The following MED12L variants were observed in gnomAD, a reference collection of about 807,000 sequenced individuals.
MED12L encodes mediator complex subunit 12L, also known as mediator of RNA polymerase II transcription subunit 12-like protein.
A neutral mutation model predicts 281.3 loss-of-function variants in MED12L; 60 were observed. The ratio of observed to expected loss-of-function variants is 0.21; its 90% CI spans 0.17 to 0.26. MED12L has a LOEUF of 0.26. MED12L is among the 10% of genes least tolerant of loss of function. MED12L has a pLI of 1.00. For missense variants in MED12L, 2,146 were observed against 2,680.9 expected (o/e 0.80, Z 4.41); for synonymous variants, 974 against 987.2 (o/e 0.99, Z 0.25).
At chr3:151,311,358 G>A (rs1374146842) in intron 16 of MED12L, among the ~76,000 whole-genome samples, 1 of 151,668 alleles carries the variant, frequency 6.6e-6, no homozygotes, top group Non-Finnish European at 1.5e-5. Context: ...TAGTGTTGTT[G>A]TTTACATTAT....
intron 11 of MED12L, among the ~76,000 whole-genome samples, chr3:151,168,130 G>T (rs1471169442): frequency 1.3e-5 from 2 of 152,188 alleles, no homozygotes; most frequent in Non-Finnish European, 2.9e-5. Flanking sequence ...TTCAAGGGCA[G>T]AAATTATGTT....
chr3:151,270,666 A>G (rs978158592), intron 16 of MED12L, among the ~76,000 whole-genome samples: 1 of 152,178 alleles, frequency 6.6e-6, no homozygotes, highest in Non-Finnish European at 1.5e-5. Flanking sequence ...AAGGTCAGCA[A>G]AGGGTGAGTT....
At chr3:151,431,258 AG>A (rs1336296499) in intron 44 of MED12L, among the ~76,000 whole-genome samples, 1 of 152,210 alleles carries the variant, frequency 6.6e-6, no homozygotes, top group Non-Finnish European at 1.5e-5. Context: ...GTGAGGTACC[AG>A]AGGGAAGACT....
In MED12L at chr3:151,394,938, T is replaced by A. The variant is rs1321606078; in HGVS notation, c.5820+71T>A. On this transcript the variant is annotated intron_variant, in intron 39 of 44. Transcript: ENST00000687756. ...CTGCTAGCTTGGGATAAGTTTGGGA[T>A]ATGTAGCATATTCTTTCTGTATGCA... 2.5e-6 allele frequency: 4 copies of A among 1,593,142 alleles called. No homozygotes were observed. In the South Asian group the frequency reaches 4.5e-5, roughly 18 times the overall value.
rs889691150 is a variant in MED12L at position 151,185,603 on chromosome 3, G to T, written c.1626+142G>T. 5 of 812,994 alleles carry T rather than the reference G, an allele frequency of 6.2e-6. No homozygotes were observed. The African/African-American group carries it at 7.0e-5, about 11-fold the overall frequency. The allele number at this position is 812,994 out of a possible 1,614,324, so 50.4% of individuals were successfully genotyped here. ...AGGATGTAAAAATTCACATAAGGAA[G>T]ATTCTTATAGTAGAATCTCTCTAAA... On this transcript the variant is annotated intron_variant, in intron 12 of 44. Transcript: ENST00000687756.
intron 44 of MED12L, among the ~76,000 whole-genome samples, chr3:151,431,482 T>C (rs1227110109): frequency 2.0e-5 from 3 of 152,306 alleles, no homozygotes; most frequent in African/African-American, 7.2e-5. Context: ...TTTAAAAATA[T>C]TTTCCTCTTA....
intron 11 of MED12L, among the ~76,000 whole-genome samples, chr3:151,171,815 G>A (rs1560117925): frequency 1.3e-5 from 2 of 152,190 alleles, no homozygotes; most frequent in Non-Finnish European, 2.9e-5. Context: ...ACAAAAGCTC[G>A]CTTTCTGTCA....
chr3:151,387,715 C>A, intron 36 of MED12L, 95 bp from the exon 37 acceptor site: 1 of 1,460,188 alleles, frequency 6.8e-7, no homozygotes, highest in Non-Finnish European at 9.2e-7. Context: ...CTCATGCCAG[C>A]CAAAGTGTTC....
chr3:151,334,506 T>G (rs1323808689), intron 16 of MED12L, among the ~76,000 whole-genome samples: 3 of 151,974 alleles, frequency 2.0e-5, no homozygotes, highest in Non-Finnish European at 4.4e-5. Flanking sequence ...TTTTAATTTT[T>G]ATTTGTTTAT....
intron 16 of MED12L, among the ~76,000 whole-genome samples, chr3:151,257,411 T>C (rs539383643): frequency 9.9e-5 from 15 of 152,258 alleles, no homozygotes; most frequent in East Asian, 3.8e-4. Context: ...GTCTCCAGAA[T>C]AGATTGCCTT....
chr3:151,099,527 A>C (rs1024551951), intron 2 of MED12L, among the ~76,000 whole-genome samples: 1 of 152,206 alleles, frequency 6.6e-6, no homozygotes, highest in Non-Finnish European at 1.5e-5. Context: ...ATTTTTGCAT[A>C]TCTCTTTAAT....
chr3:151,346,303 C>T (rs1462727218), intron 16 of MED12L, among the ~76,000 whole-genome samples: 2 of 152,116 alleles, frequency 1.3e-5, no homozygotes, highest in Non-Finnish European at 2.9e-5. Context: ...TTGATTTCTA[C>T]TATGGAAATT....
At chr3:151,390,654 A>T (rs978303994) in intron 38 of MED12L, among the ~76,000 whole-genome samples, 1 of 152,242 alleles carries the variant, frequency 6.6e-6, no homozygotes. Context: ...AAATGAAAAC[A>T]TCTCTTAATG....
intron 16 of MED12L, chr3:151,213,800 T>C: frequency 6.2e-7 from 1 of 1,614,242 alleles, no homozygotes; most frequent in Non-Finnish European, 8.5e-7. Flanking sequence ...TTCAGTTCTA[T>C]ACATTTTATT....
intron 23 of MED12L, 75 bp downstream of exon 23, chr3:151,366,066 G>A: frequency 7.9e-7 from 1 of 1,272,802 alleles, no homozygotes; most frequent in South Asian, 2.3e-5. Flanking sequence ...TTTTGCTTTT[G>A]GCTTTTATTT....
Position 151,184,040 on chromosome 3 carries a change from G to A in MED12L, c.1495-1290G>A, listed in dbSNP as rs552194468. 3.8e-4 allele frequency among the ~76,000 whole-genome samples: 58 copies of A among 152,242 alleles called. 1 individual carries two copies. The South Asian group carries it at 0.01, about 27-fold the overall frequency. On this transcript the variant is annotated intron_variant, in intron 11 of 44. Coordinates refer to ENST00000687756, the MANE Select transcript of MED12L (RefSeq NM_001393769.1). The stretch of plus-strand genomic sequence containing the variant: ...TCCCAGTTTACTTTCTGTTTTAAAT[G>A]TTATGTTCAAACATTTCTTTCAATT...
intron 32 of MED12L, among the ~76,000 whole-genome samples, chr3:151,382,363 A>G (rs2108137920): frequency 6.6e-6 from 1 of 152,298 alleles, no homozygotes; most frequent in East Asian, 1.9e-4. Flanking sequence ...GTATTTTAAA[A>G]GTTTTTATTA....
intron 6 of MED12L, among the ~76,000 whole-genome samples, chr3:151,157,486 C>T (rs1719438285): frequency 2.6e-5 from 4 of 151,850 alleles, no homozygotes; most frequent in Admixed American, 1.3e-4. Flanking sequence ...TTTACCATCT[C>T]TTATACCTTA....
At chr3:151,165,312 A>T in intron 9 of MED12L, 108 bp from the exon 10 acceptor site, 1 of 657,580 alleles carries the variant, frequency 1.5e-6, no homozygotes, top group Non-Finnish European at 2.5e-6. Flanking sequence ...TGCAGTCAAG[A>T]TTGTAGTTCA....
Sources: allele counts gnomAD v4.1 joint callset (sites outside exome capture counted in the v4.1 genomes callset), GRCh38; gene constraint gnomAD v4.1.1; transcripts MANE v1.5; gene names NCBI Gene and HGNC (gene_info 2026-07-23, HGNC 2026-07-21).